Variants in TMEM53 observed in about 807,000 individuals in gnomAD.
The protein encoded by TMEM53 is novel DUF829 domain-containing protein.
A neutral mutation model predicts 21.4 loss-of-function variants in TMEM53; 14 were observed. That is an observed-to-expected ratio of 0.65 (90% CI 0.43 to 1.02). The LOEUF (loss-of-function observed/expected upper bound fraction) is 1.02, where lower values mean the gene tolerates loss of function less well. Among genes scored for constraint, TMEM53 ranks in the 50% least tolerant of loss-of-function variants. The pLI is 0.00. For missense variants in TMEM53, 323 were observed against 383.6 expected, an observed-to-expected ratio of 0.84 and a Z score of 1.32; for synonymous variants, 148 against 157.4, an observed-to-expected ratio of 0.94 and a Z score of 0.45.
intron 1 of TMEM53, chr1:44,674,126 G>A: frequency 1.0e-6 from 1 of 985,374 alleles, no homozygotes; most frequent in Non-Finnish European, 1.2e-6. Context: ...CAGAGGCGGG[G>A]CTCGCCAGGG....
chr1:44,658,371 A>G (rs1402388409), intron 2 of TMEM53, among the ~76,000 whole-genome samples: 5 of 151,958 alleles, frequency 3.3e-5, no homozygotes, highest in African/African-American at 1.2e-4. Context: ...CCCATGCCCA[A>G]TCTCTCATTA....
In TMEM53 at chr1:44,653,807, AT is replaced by A. The variant is rs1644822067; in HGVS notation, c.*751del. On this transcript the variant is annotated 3_prime_UTR_variant, in exon 3 of 3. Coordinates refer to ENST00000372237, the MANE Select transcript of TMEM53 (RefSeq NM_024587.4). ...CATCTCCCCACAAAGGTCACCTTCC[AT>A]TCAAGGAATCAAAACTCAACTCTGG... The A allele has an allele frequency of 6.6e-6, 1 of 152,276 alleles. No individual in the cohort carries two copies. 9.4% of individuals were successfully genotyped at this position (152,276 alleles called of 1,614,324 possible). A position where few individuals can be genotyped will look rare whatever the true frequency, so the allele number is the denominator to read the frequency against.
Position 44,655,344 on chromosome 1 carries a change from C to T in TMEM53, c.184-135G>A, listed in dbSNP as rs1644840173. The T allele has an allele frequency of 9.1e-6, 8 of 877,790 alleles. No individual in the cohort carries two copies. The highest frequency in any genetic ancestry group is 2.7e-5 in the East Asian group (1 of 36,506). 54.4% of individuals were successfully genotyped at this position (877,790 alleles called of 1,614,324 possible). A position where few individuals can be genotyped will look rare whatever the true frequency, so the allele number is the denominator to read the frequency against. On this transcript the variant is annotated intron_variant, in intron 2 of 2. Transcript: ENST00000372237. This position sits in a 1 kb window ranked among gnomAD's most constrained non-coding sequence, Gnocchi z 4.4. ...CCACAGCGTCAGCAATGCTCTGGGT[C>T]CTGCTTCAGCCTGAGCCCACCAGCC...
At chr1:44,664,964 C>T (rs1434693763) in intron 1 of TMEM53, among the ~76,000 whole-genome samples, 2 of 152,164 alleles carry the variant, frequency 1.3e-5, no homozygotes, top group African/African-American at 4.8e-5. Context: ...TTGCTCTCTG[C>T]TCTCCAGCCC....
chr1:44,660,345 G>A lies in TMEM53; in HGVS notation c.62-50C>T, dbSNP rs758483642. Reference sequence around the variant, plus strand: ...ACACCAGAGCTGGGGTGGGGGCGGGGGTGACTGCCCAATCCAGAGTCAGCA... The same window carrying A: ...ACACCAGAGCTGGGGTGGGGGCGGGAGTGACTGCCCAATCCAGAGTCAGCA... On this transcript the variant is annotated intron_variant, in intron 1 of 2. Coordinates refer to ENST00000372237, the MANE Select transcript of TMEM53 (RefSeq NM_024587.4). 3.8e-6 allele frequency: 6 copies of A among 1,571,636 alleles called. No homozygotes were observed. The South Asian group carries it at 6.9e-5, about 18-fold the overall frequency.
At position 44,655,694 on chromosome 1, in the gene TMEM53, C is replaced by G. The variant is rs1442264135; in HGVS notation, c.184-485G>C. On this transcript the variant is annotated intron_variant, in intron 2 of 2. Coordinates refer to ENST00000372237, the MANE Select transcript of TMEM53 (RefSeq NM_024587.4). The surrounding 1 kb of genome is among the most constrained non-coding windows in gnomAD (Gnocchi z 4.4). ...AGTAGTACCCCCATGAGACCAGTAC[C>G]CGAGAGCTGGCCTGCAGGCGCCAGC... 1.3e-5 allele frequency among the ~76,000 whole-genome samples: 2 copies of G among 152,102 alleles called. No individual in the cohort carries two copies. Among genetic ancestry groups the G allele is most frequent in the Non-Finnish European group, 2.9e-5 (2 of 68,018 alleles).
chr1:44,659,618 A>G (rs1393546616), intron 2 of TMEM53, among the ~76,000 whole-genome samples: 1 of 152,224 alleles, frequency 6.6e-6, no homozygotes, highest in Non-Finnish European at 1.5e-5. Context: ...CTATGTCCAG[A>G]CACCCAGCCC....
At chr1:44,671,238 T>C (rs1432625798) in intron 1 of TMEM53, among the ~76,000 whole-genome samples, 1 of 152,216 alleles carries the variant, frequency 6.6e-6, no homozygotes, top group African/African-American at 2.4e-5. Context: ...CGACCGGCTT[T>C]AGCAAAGGCC....
At chr1:44,661,334 A>C (rs1197363888) in intron 1 of TMEM53, among the ~76,000 whole-genome samples, 4 of 151,932 alleles carry the variant, frequency 2.6e-5, no homozygotes. Flanking sequence ...GGGTTCAAGC[A>C]ATTCTCCTGC....
intron 2 of TMEM53, among the ~76,000 whole-genome samples, chr1:44,656,206 T>C (rs1644847381): frequency 6.6e-6 from 1 of 152,106 alleles, no homozygotes; most frequent in Non-Finnish European, 1.5e-5. Context: ...ACTTTCTGAG[T>C]CTGGGTCCCC....
At chr1:44,673,544 G>A (rs1645036639) in intron 1 of TMEM53, among the ~76,000 whole-genome samples, 1 of 152,202 alleles carries the variant, frequency 6.6e-6, no homozygotes, top group African/African-American at 2.4e-5. Context: ...CACTGTCATG[G>A]ATGCGGGCCT....
At chr1:44,661,691 G>A (rs924847452) in intron 1 of TMEM53, among the ~76,000 whole-genome samples, 1 of 152,194 alleles carries the variant, frequency 6.6e-6, no homozygotes. Flanking sequence ...GAGGCAGAGT[G>A]AGGTTAAGGT....
intron 1 of TMEM53, among the ~76,000 whole-genome samples, chr1:44,663,981 C>T (rs938491202): frequency 2.6e-5 from 4 of 151,626 alleles, no homozygotes; most frequent in Non-Finnish European, 2.9e-5. Flanking sequence ...GGCAACATGG[C>T]GAAACCTCAT....
In TMEM53 at chr1:44,654,651, C is replaced by A. The variant is rs769914658; in HGVS notation, c.742G>T (p.Val248Leu). The stretch of plus-strand genomic sequence containing the variant: ...AGGTGGCTGACGTGTGCAGATGACA[C>A]GAAATCCACAGAACGCGCCAGGACC... The part of the protein sequence containing the change: ...RRVLARSVDF[V>L]SSAHVSHLRD... The change falls in exon 3 of 3, where the codon GTG (valine) becomes TTG (leucine). Residue 248 changes from valine to leucine, a missense_variant. Val to Leu is a conservative substitution (Grantham distance 32). Around this residue, in one of 3 missense-constraint regions of TMEM53, gnomAD observed 269 missense variants for 334.5 expected, o/e 0.80. Coordinates refer to ENST00000372237, the MANE Select transcript of TMEM53 (RefSeq NM_024587.4). This position sits in a 1 kb window ranked among gnomAD's most constrained non-coding sequence, Gnocchi z 7.0. 4 of 1,614,084 alleles carry A rather than the reference C, an allele frequency of 2.5e-6. No homozygotes were observed. Among genetic ancestry groups the A allele is most frequent in the South Asian group, 1.1e-5 (1 of 91,088 alleles).
At chr1:44,666,372 C>T (rs902662436) in intron 1 of TMEM53, among the ~76,000 whole-genome samples, 39 of 152,308 alleles carry the variant, frequency 2.6e-4, no homozygotes, top group Middle Eastern at 3.4e-3. Context: ...AATTTCACTA[C>T]TAGGGATACA....
In TMEM53 at chr1:44,674,460, G is replaced by A; in HGVS notation, c.-69C>T. ...CCGCTTGCGCACCCGTGCCTCACCC[G>A]GGCGCCTCCTGGGCGCCGCCCAATC... On this transcript the variant is annotated 5_prime_UTR_variant, in exon 1 of 3. Transcript: ENST00000372237. 2.6e-6 allele frequency: 4 copies of A among 1,519,422 alleles called. No homozygotes were observed. Among genetic ancestry groups the A allele is most frequent in the South Asian group, 1.2e-5 (1 of 82,116 alleles). 94.1% of individuals were successfully genotyped at this position (1,519,422 alleles called of 1,614,324 possible).
In TMEM53 at chr1:44,654,684, C is replaced by T; in HGVS notation, c.709G>A (p.Ala237Thr). 6.2e-7 allele frequency: 1 copy of T among 1,614,134 alleles called. No homozygotes were observed. Among genetic ancestry groups the T allele is most frequent in the Non-Finnish European group, 8.5e-7 (1 of 1,180,020 alleles). Reference sequence around the variant, plus strand: ...ACAGAACGCGCCAGGACCCGGCGTGCCAGGCGTGCCTCCACCATGCGTTCT... The same window carrying T: ...ACAGAACGCGCCAGGACCCGGCGTGTCAGGCGTGCCTCCACCATGCGTTCT... ...DIERMVEARL[A>T]RRVLARSVDF... Residue 237 changes from alanine to threonine, a missense_variant, in exon 3 of 3, where the codon GCA becomes ACA. By Grantham distance (58) the Ala-to-Thr change is moderately conservative. This residue lies in a region of TMEM53 where 269 missense variants were observed against 334.5 expected (regional missense o/e 0.80). Coordinates refer to ENST00000372237, the MANE Select transcript of TMEM53 (RefSeq NM_024587.4). This position sits in a 1 kb window ranked among gnomAD's most constrained non-coding sequence, Gnocchi z 7.0.
intron 1 of TMEM53, among the ~76,000 whole-genome samples, chr1:44,668,630 C>T (rs1644970286): frequency 6.6e-6 from 1 of 152,082 alleles, no homozygotes; most frequent in Non-Finnish European, 1.5e-5. Context: ...CAGCCTCGAA[C>T]TCTTGGGCTC....
Position 44,655,110 on chromosome 1 carries a change from C to A in TMEM53, c.283G>T (p.Glu95Ter), listed in dbSNP as rs752268483. Residue 95 changes from glutamate (E) to a stop codon, truncating the protein, a stop_gained, in exon 3 of 3, where the codon GAG (glutamate) becomes TAG (stop). Transcript: ENST00000372237. LOFTEE classifies it high-confidence loss of function. This position sits in a 1 kb window ranked among gnomAD's most constrained non-coding sequence, Gnocchi z 4.4. ...TCAATCTCATAATCAAAGAGCAGCT[C>A]GAGCAGCTTCTGGGCCAAAACACGA... ...SLRVLAQKLL[E>*]LLFDYEIEKE... 2 of 1,614,174 alleles carry A rather than the reference C, an allele frequency of 1.2e-6. No individual in the cohort carries two copies. The highest frequency in any genetic ancestry group is 1.7e-6 in the Non-Finnish European group (2 of 1,180,016).
Sources: allele counts gnomAD v4.1 joint callset (sites outside exome capture counted in the v4.1 genomes callset), GRCh38; gene constraint gnomAD v4.1.1; regional missense constraint gnomAD v4.1.1; non-coding constraint Gnocchi (gnomAD v3.1); transcripts MANE v1.5; gene names NCBI Gene and HGNC (gene_info 2026-07-23, HGNC 2026-07-21).